Variants in NXPE1 observed in about 807,000 individuals in gnomAD.
The protein encoded by NXPE1 is NXPE family member 1.
In NXPE1, 31 loss-of-function variants were observed where a neutral mutation model predicts 33.3. The ratio of observed to expected loss-of-function variants is 0.93; its 90% CI spans 0.70 to 1.26. The LOEUF (loss-of-function observed/expected upper bound fraction) is 1.26, where lower values mean the gene tolerates loss of function less well. Among genes scored for constraint, NXPE1 ranks in the 50% most tolerant of loss-of-function variants. The pLI is 0.00. For synonymous variants in NXPE1, 229 were observed against 231.4 expected (o/e 0.99, Z 0.09); for missense variants, 661 against 655.6 (o/e 1.01, Z -0.09).
rs778383169 is a variant in NXPE1 at position 114,522,520 on chromosome 11, T to C, written c.1109-17A>G. The C allele has an allele frequency of 2.6e-6, 4 of 1,547,752 alleles. No individual in the cohort carries two copies. Among genetic ancestry groups the C allele is most frequent in the Non-Finnish European group, 3.5e-6 (4 of 1,142,478 alleles). On this transcript the variant is annotated splice_polypyrimidine_tract_variant and intron_variant, in intron 8 of 8. Transcript: ENST00000534921. ...ACTTCAGTGCTGATAAAAAAACAAA[T>C]AGATGTTTTAAATAGAAGATAATGG...
At position 114,528,924 on chromosome 11, in the gene NXPE1, C is replaced by T. The variant is rs150913242; in HGVS notation, c.834-1023G>A. 810 of 509,168 alleles carry T rather than the reference C, an allele frequency of 1.6e-3. 6 individuals carry two copies. The highest frequency in any genetic ancestry group is 0.013 in the African/African-American group (688 of 53,372). 31.5% of individuals were successfully genotyped at this position (509,168 alleles called of 1,614,324 possible). ...GTAGGAAGAGATTTGATGAGATGTA[C>T]CATCAGAGATAAAAGGGAGGGAACA... On this transcript the variant is annotated intron_variant, in intron 6 of 8. Coordinates refer to ENST00000534921, the Ensembl canonical transcript of NXPE1.
At chr11:114,532,072 C>T (rs141975265) in intron 5 of NXPE1, among the ~76,000 whole-genome samples, 88 of 152,230 alleles carry the variant, frequency 5.8e-4, no homozygotes, top group African/African-American at 2.1e-3. Flanking sequence ...AGTTGTCATC[C>T]CCTCTCACAC....
intron 7 of NXPE1, among the ~76,000 whole-genome samples, chr11:114,525,625 C>G (rs1182528026): frequency 3.3e-5 from 5 of 152,140 alleles, no homozygotes; most frequent in Non-Finnish European, 7.3e-5. Context: ...CTGTTTTTCC[C>G]TTCTGTGCAG....
chr11:114,541,053 T>G (rs1181031086), intron 5 of NXPE1, among the ~76,000 whole-genome samples: 1 of 151,920 alleles, frequency 6.6e-6, no homozygotes, highest in Non-Finnish European at 1.5e-5. Flanking sequence ...CAAAGCAATC[T>G]GCAGCTAGTC....
chr11:114,553,456 T>A (rs1199356897), intron 1 of NXPE1, among the ~76,000 whole-genome samples: 1 of 152,214 alleles, frequency 6.6e-6, no homozygotes, highest in African/African-American at 2.4e-5. Flanking sequence ...TGGTTAGAGT[T>A]GGCTCCTTTG....
chr11:114,541,699 A>G (rs1948103448), intron 5 of NXPE1, among the ~76,000 whole-genome samples: 1 of 152,190 alleles, frequency 6.6e-6, no homozygotes, highest in Non-Finnish European at 1.5e-5. Context: ...CTATAGGTAA[A>G]TTTAATCATT....
At chr11:114,557,513 AC>A (rs922603198) in intron 1 of NXPE1, among the ~76,000 whole-genome samples, 3 of 151,118 alleles carry the variant, frequency 2.0e-5, no homozygotes, top group Non-Finnish European at 4.4e-5. Flanking sequence ...TTGGACTGGA[AC>A]TACTGGGCTC....
intron 1 of NXPE1, among the ~76,000 whole-genome samples, chr11:114,558,260 T>A (rs114771616): frequency 8.7e-4 from 133 of 152,298 alleles, no homozygotes; most frequent in African/African-American, 3.0e-3. Context: ...TTTTTCTTTT[T>A]ATTTCATTTT....
chr11:114,555,103 G>A (rs532378062), intron 1 of NXPE1, among the ~76,000 whole-genome samples: 118 of 150,008 alleles, frequency 7.9e-4, no homozygotes, highest in African/African-American at 2.8e-3. Flanking sequence ...TCTTCAATTT[G>A]TGGTTCTTTT....
chr11:114,534,188 C>A (rs1198879326), intron 5 of NXPE1, among the ~76,000 whole-genome samples: 1 of 152,174 alleles, frequency 6.6e-6, no homozygotes, highest in Non-Finnish European at 1.5e-5. Flanking sequence ...CTGGAGTGGA[C>A]CTCCAGTAAA....
intron 5 of NXPE1, among the ~76,000 whole-genome samples, chr11:114,549,622 G>T (rs1423451747): frequency 6.6e-6 from 1 of 151,932 alleles, no homozygotes; most frequent in East Asian, 1.9e-4. Flanking sequence ...TCAAAAGCTT[G>T]CATTTTACTT....
chr11:114,554,850 G>T (rs142392184), intron 1 of NXPE1, among the ~76,000 whole-genome samples: 1 of 152,084 alleles, frequency 6.6e-6, no homozygotes, highest in Non-Finnish European at 1.5e-5. Flanking sequence ...AGGTTCACAG[G>T]CCTCCTAAAC....
chr11:114,519,155 T>G (rs1353201810), downstream of NXPE1, among the ~76,000 whole-genome samples: 1 of 152,204 alleles, frequency 6.6e-6, no homozygotes, highest in Non-Finnish European at 1.5e-5. Context: ...ATGACAAATG[T>G]TAAATTTGGA....
intron 7 of NXPE1, 102 bp downstream of exon 7, chr11:114,527,738 C>T (rs1947419473): frequency 1.5e-5 from 10 of 676,224 alleles, no homozygotes; most frequent in African/African-American, 3.7e-5. Flanking sequence ...ACATCATAGA[C>T]ATCTGCTAGG....
At chr11:114,530,593 G>A (rs574447823) in exon 6 of NXPE1, 1 of 1,614,116 alleles carries the variant, frequency 6.2e-7, no homozygotes, top group South Asian at 1.1e-5. Context: ...CTGGCCCTCA[G>A]GAAATCCCCA....
At position 114,523,207 on chromosome 11, in the gene NXPE1, T is replaced by A. The variant is rs901263581; in HGVS notation, c.896-116A>T. 1.7e-5 allele frequency: 12 copies of A among 700,838 alleles called. No individual in the cohort carries two copies. The African/African-American group carries it at 2.1e-4, about 13-fold the overall frequency. 43.4% of individuals were successfully genotyped at this position (700,838 alleles called of 1,614,324 possible). A position where few individuals can be genotyped will look rare whatever the true frequency, so the allele number is the denominator to read the frequency against. ...CCCCTTCCTGTAATGCCTATTTCCT[T>A]TTTCTGTCCCTTTCTAGTCCTATTC... On this transcript the variant is annotated intron_variant, in intron 7 of 8. Transcript: ENST00000534921.
At chr11:114,527,345 A>G (rs1591258841) in intron 7 of NXPE1, 1 of 152,530 alleles carries the variant, frequency 6.6e-6, no homozygotes, top group African/African-American at 2.4e-5. Flanking sequence ...ACTAAGATAG[A>G]CTTTATAAAA....
At chr11:114,556,638 C>T (rs1948654388) in intron 1 of NXPE1, among the ~76,000 whole-genome samples, 1 of 151,864 alleles carries the variant, frequency 6.6e-6, no homozygotes, top group Non-Finnish European at 1.5e-5. Context: ...TGTCAAATTC[C>T]CTCTAGTTTC....
At chr11:114,545,674 T>A (rs973831101) in intron 5 of NXPE1, among the ~76,000 whole-genome samples, 1 of 151,764 alleles carries the variant, frequency 6.6e-6, no homozygotes, top group Non-Finnish European at 1.5e-5. Flanking sequence ...TTGAATCTTA[T>A]AACACAAAGA....
Sources: allele counts gnomAD v4.1 joint callset (sites outside exome capture counted in the v4.1 genomes callset), GRCh38; gene constraint gnomAD v4.1.1; transcripts MANE v1.5; gene names NCBI Gene and HGNC (gene_info 2026-07-23, HGNC 2026-07-21).